SLC1A3: variants seen among roughly 807,000 people sequenced by gnomAD.
The protein encoded by SLC1A3 is excitatory amino acid transporter 1.
In SLC1A3, 21 loss-of-function variants were observed where a neutral mutation model predicts 48.1. The ratio of observed to expected loss-of-function variants is 0.44; its 90% CI spans 0.31 to 0.63. The LOEUF (loss-of-function observed/expected upper bound fraction) is 0.63, where lower values mean the gene tolerates loss of function less well. Ranked by LOEUF, SLC1A3 falls within the 20% of genes least tolerant of loss-of-function variation. The pLI is 0.08. For missense variants in SLC1A3, 546 were observed against 689.0 expected (o/e 0.79, Z 2.32); for synonymous variants, 239 against 251.4 (o/e 0.95, Z 0.47).
intron 3 of SLC1A3, among the ~76,000 whole-genome samples, chr5:36,632,846 G>A (rs1740189685): frequency 6.6e-6 from 1 of 152,134 alleles, no homozygotes; most frequent in African/African-American, 2.4e-5. Context: ...TGGCTCTATA[G>A]CCCTTGTAAG....
At chr5:36,612,938 G>C (rs939924525) in intron 2 of SLC1A3, 1 of 431,472 alleles carries the variant, frequency 2.3e-6, no homozygotes, top group South Asian at 1.6e-5. Flanking sequence ...AAGAGAGGTC[G>C]AACTGAAAGC....
intron 3 of SLC1A3, among the ~76,000 whole-genome samples, chr5:36,664,703 C>T (rs1741661496): frequency 6.6e-6 from 1 of 152,150 alleles, no homozygotes; most frequent in African/African-American, 2.4e-5. Flanking sequence ...TTCATGAAGG[C>T]ACACATTTAG....
chr5:36,600,494 T>C (rs1314841767), intron 1 of SLC1A3, among the ~76,000 whole-genome samples: 3 of 152,170 alleles, frequency 2.0e-5, no homozygotes, highest in South Asian at 4.1e-4. Flanking sequence ...TTTTGAAAAA[T>C]CTACTGCATG....
chr5:36,642,311 C>T (rs1485568032), intron 3 of SLC1A3, among the ~76,000 whole-genome samples: 2 of 152,304 alleles, frequency 1.3e-5, no homozygotes, highest in African/African-American at 2.4e-5. Flanking sequence ...CACATAAGCA[C>T]GTTTTCCTTA....
At chr5:36,610,226 AGAG>A (rs1181796415) in intron 2 of SLC1A3, among the ~76,000 whole-genome samples, 1 of 152,208 alleles carries the variant, frequency 6.6e-6, no homozygotes. Flanking sequence ...ACATCTTTTA[AGAG>A]ATGCCAGGAA....
At position 36,641,739 on chromosome 5, in the gene SLC1A3, G is replaced by A. The variant is rs574276594; in HGVS notation, c.319+12152G>A. ...GATAGTTTTAGAGCCAGACATCAGT[G>A]TAGTAGTTCTCAAGATACTGAAAAT... On this transcript the variant is annotated intron_variant, in intron 3 of 9. Coordinates refer to ENST00000265113, the MANE Select transcript of SLC1A3 (RefSeq NM_004172.5). 2.0e-5 allele frequency among the ~76,000 whole-genome samples: 3 copies of A among 152,280 alleles called. No individual in the cohort carries two copies. In the South Asian group the frequency reaches 6.2e-4, roughly 32 times the overall value.
intron 2 of SLC1A3, among the ~76,000 whole-genome samples, chr5:36,627,980 C>G (rs565677727): frequency 6.6e-6 from 1 of 152,178 alleles, no homozygotes; most frequent in Non-Finnish European, 1.5e-5. Context: ...CTAACCTAGG[C>G]AACACCCAGC....
rs542583690 is a variant in SLC1A3 at position 36,667,191 on chromosome 5, C to T, written c.320-3838C>T. ...GGCTCTCCACCCTCCATTAAACATG[C>T]TCTGGGCTGTTTTTCTAGGAATGGT... is the stretch of plus-strand genomic sequence containing the variant. On this transcript the variant is annotated intron_variant, in intron 3 of 9. Transcript: ENST00000265113. Among the ~76,000 whole-genome samples the T allele has an allele frequency of 7.0e-4, 106 of 152,306 alleles. 2 individuals are homozygous for T. The highest frequency in any genetic ancestry group is 2.4e-3 in the African/African-American group (98 of 41,550).
Position 36,677,198 on chromosome 5 carries a change from T to C in SLC1A3, c.860+14T>C, listed in dbSNP as rs1321311146. On this transcript the variant is annotated intron_variant, in intron 6 of 9. Coordinates refer to ENST00000265113, the MANE Select transcript of SLC1A3 (RefSeq NM_004172.5). ...AGTAATAATGTGGTATGTATTTCCA[T>C]TTTCTATATATGTTATATACGAGAT... 1.2e-6 allele frequency: 2 copies of C among 1,605,408 alleles called. No homozygotes were observed. Among genetic ancestry groups the C allele is most frequent in the African/African-American group, 2.7e-5 (2 of 74,732 alleles).
At chr5:36,603,466 G>C (rs1422104363), upstream of SLC1A3, among the ~76,000 whole-genome samples, 3 of 152,218 alleles carry the variant, frequency 2.0e-5, no homozygotes, top group East Asian at 5.8e-4. Flanking sequence ...TTTGTTGAAA[G>C]AATAAATGAA....
chr5:36,627,657 A>G (rs1739964452), intron 2 of SLC1A3, among the ~76,000 whole-genome samples: 1 of 152,210 alleles, frequency 6.6e-6, no homozygotes. Context: ...CCTAAAAGTG[A>G]TGTTTATGGG....
At position 36,640,381 on chromosome 5, in the gene SLC1A3, G is replaced by A. The variant is rs543682131; in HGVS notation, c.319+10794G>A. On this transcript the variant is annotated intron_variant, in intron 3 of 9. Coordinates refer to ENST00000265113, the MANE Select transcript of SLC1A3 (RefSeq NM_004172.5). ...GGAAGCCGGTGCATTACCCCATGAT[G>A]TACTTCTTTCACTAACCCATCAACT... 2.6e-5 allele frequency among the ~76,000 whole-genome samples: 4 copies of A among 152,340 alleles called. No homozygotes were observed. In the South Asian group the frequency reaches 8.3e-4, roughly 32 times the overall value.
At chr5:36,609,894 A>T (rs961489044) in intron 2 of SLC1A3, among the ~76,000 whole-genome samples, 1 of 152,064 alleles carries the variant, frequency 6.6e-6, no homozygotes, top group Non-Finnish European at 1.5e-5. Context: ...CTCATTTGTC[A>T]CTCTGAATCA....
chr5:36,619,790 T>C (rs1238142037), intron 2 of SLC1A3, among the ~76,000 whole-genome samples: 1 of 152,258 alleles, frequency 6.6e-6, no homozygotes, highest in Non-Finnish European at 1.5e-5. Flanking sequence ...CCTGCCATAA[T>C]AATTGTAATG....
At chr5:36,671,651 C>T (rs868342469) in intron 4 of SLC1A3, among the ~76,000 whole-genome samples, 1 of 152,182 alleles carries the variant, frequency 6.6e-6, no homozygotes, top group Non-Finnish European at 1.5e-5. Flanking sequence ...CCACTATGCA[C>T]AACGCATTAT....
intron 5 of SLC1A3, among the ~76,000 whole-genome samples, chr5:36,676,362 T>C (rs974117662): frequency 2.0e-5 from 3 of 152,222 alleles, no homozygotes; most frequent in African/African-American, 7.2e-5. Context: ...AATTTGATTA[T>C]CACAACAACA....
In SLC1A3 at chr5:36,664,925, T is replaced by C. The variant is rs546314939; in HGVS notation, c.320-6104T>C. Among the ~76,000 whole-genome samples the C allele has an allele frequency of 9.9e-5, 15 of 152,192 alleles. 1 individual carries two copies. In the South Asian group the frequency reaches 3.1e-3, roughly 32 times the overall value. ...AAGCAATAGGGTGCCCATTCCATGG[T>C]GGTGAGTAATAAGTGGAAGTTTTCC... is the stretch of plus-strand genomic sequence containing the variant. On this transcript the variant is annotated intron_variant, in intron 3 of 9. Coordinates refer to ENST00000265113, the MANE Select transcript of SLC1A3 (RefSeq NM_004172.5).
chr5:36,680,893 G>A (rs563374163), intron 8 of SLC1A3, among the ~76,000 whole-genome samples: 2 of 150,386 alleles, frequency 1.3e-5, no homozygotes, highest in South Asian at 4.2e-4. Flanking sequence ...TCCAGCCTGG[G>A]GGACACAGCA....
intron 9 of SLC1A3, 92 bp downstream of exon 9, chr5:36,684,090 G>C: frequency 1.3e-6 from 2 of 1,492,028 alleles, no homozygotes; most frequent in Non-Finnish European, 1.9e-6. Flanking sequence ...TCTACAGAAA[G>C]AACTCTGAGG....
Sources: allele counts gnomAD v4.1 joint callset (sites outside exome capture counted in the v4.1 genomes callset), GRCh38; gene constraint gnomAD v4.1.1; transcripts MANE v1.5; gene names NCBI Gene and HGNC (gene_info 2026-07-23, HGNC 2026-07-21).